Variants in EPS15 observed in about 807,000 individuals in gnomAD.
EPS15 encodes the protein epidermal growth factor receptor substrate 15.
Under a neutral mutation model 113.8 loss-of-function variants are expected in EPS15, and 72 were observed. The ratio of observed to expected loss-of-function variants is 0.63; its 90% CI spans 0.52 to 0.77. The LOEUF (loss-of-function observed/expected upper bound fraction) is 0.77, where lower values mean the gene tolerates loss of function less well. EPS15 is among the 30% of genes least tolerant of loss of function. EPS15 has a pLI of 0.00. For missense variants in EPS15, 1,048 were observed against 1,045.8 expected (o/e 1.00, Z -0.03); for synonymous variants, 344 against 363.4 (o/e 0.95, Z 0.61).
intron 12 of EPS15, among the ~76,000 whole-genome samples, chr1:51,440,093 T>C (rs1311034045): frequency 6.6e-6 from 1 of 152,084 alleles, no homozygotes; most frequent in Non-Finnish European, 1.5e-5. Flanking sequence ...CAGTGACTTT[T>C]CAGTGGTACA....
At chr1:51,424,550 A>G (rs1651041200) in intron 12 of EPS15, among the ~76,000 whole-genome samples, 1 of 152,204 alleles carries the variant, frequency 6.6e-6, no homozygotes, top group Admixed American at 6.5e-5. Context: ...TTTATATGCA[A>G]CTTCTCAAGG....
In EPS15 at chr1:51,394,371, A is replaced by G; in HGVS notation, c.2119+10T>C. ...TAATGTTCAATGAAGTTGATAAATT[A>G]TTTATTTACCTGAATCGCTTGCTGC... On this transcript the variant is annotated intron_variant, in intron 21 of 24. Coordinates refer to ENST00000371733, the MANE Select transcript of EPS15 (RefSeq NM_001981.3). 1.9e-6 allele frequency: 3 copies of G among 1,564,858 alleles called. No homozygotes were observed. The highest frequency in any genetic ancestry group is 2.6e-6 in the Non-Finnish European group (3 of 1,146,770).
intron 12 of EPS15, among the ~76,000 whole-genome samples, chr1:51,426,416 C>A (rs1270695057): frequency 6.8e-6 from 1 of 146,580 alleles, no homozygotes; most frequent in African/African-American, 2.6e-5. Context: ...TTATTTGGAA[C>A]TGATAAAAAG....
chr1:51,518,826 ATGCGTGCG>A (rs1644780978), intron 1 of EPS15, among the ~76,000 whole-genome samples: 1 of 151,648 alleles, frequency 6.6e-6, no homozygotes, highest in Non-Finnish European at 1.5e-5. Flanking sequence ...CTCACCTGGG[ATGCGTGCG>A]GCCCTGTGGG....
intron 12 of EPS15, chr1:51,423,088 C>A (rs1006595614): frequency 1.7e-6 from 1 of 586,300 alleles, no homozygotes; most frequent in Non-Finnish European, 2.4e-6. Context: ...AGACAAAAAT[C>A]AACTGTTTTG....
Position 51,505,937 on chromosome 1 carries a change from A to G in EPS15, c.33+13262T>C, listed in dbSNP as rs544556122. 4.5e-3 allele frequency among the ~76,000 whole-genome samples: 689 copies of G among 152,060 alleles called. 3 individuals are homozygous for G. Among genetic ancestry groups the G allele is most frequent in the Admixed American group, 9.6e-3 (146 of 15,258 alleles). On this transcript the variant is annotated intron_variant, in intron 1 of 24. Transcript: ENST00000371733. ...AGTCTTGCTCTGTCACCCAGGCTGG[A>G]TTACAATGGCGCAATCTTGGCTCAC...
chr1:51,372,737 T>C, intron 21 of EPS15: 1 of 413,278 alleles, frequency 2.4e-6, no homozygotes. Flanking sequence ...ATGTGGCTAA[T>C]GAAACTGGAG....
chr1:51,374,996 CTTTTTT>C (rs761941054), intron 21 of EPS15, among the ~76,000 whole-genome samples: 1 of 108,772 alleles, frequency 9.2e-6, no homozygotes, highest in Non-Finnish European at 1.9e-5. Flanking sequence ...TAATATACTT[CTTTTTT>C]TTTTTTTTTT....
intron 24 of EPS15, among the ~76,000 whole-genome samples, chr1:51,357,572 A>G (rs1646268005): frequency 6.7e-6 from 1 of 148,952 alleles, no homozygotes; most frequent in South Asian, 2.1e-4. Flanking sequence ...CTTCAACTTT[A>G]CTGAGACCCT....
At position 51,461,295 on chromosome 1, in the gene EPS15, T is replaced by A; in HGVS notation, c.502-145A>T. 4.8e-6 allele frequency: 3 copies of A among 627,716 alleles called. No homozygotes were observed. The South Asian group carries it at 5.7e-5, about 12-fold the overall frequency. 38.9% of individuals were successfully genotyped at this position (627,716 alleles called of 1,614,324 possible). On this transcript the variant is annotated intron_variant, in intron 7 of 24. Transcript: ENST00000371733. Reference sequence around the variant, plus strand: ...ACTTTGAGAGGCCAAGGCAGGAGGATCACTTCAGCCCAGGAGTTTGAGACA... The same window carrying A: ...ACTTTGAGAGGCCAAGGCAGGAGGAACACTTCAGCCCAGGAGTTTGAGACA...
intron 1 of EPS15, among the ~76,000 whole-genome samples, chr1:51,515,788 G>C (rs2148572310): frequency 6.6e-6 from 1 of 152,280 alleles, no homozygotes; most frequent in Non-Finnish European, 1.5e-5. Flanking sequence ...ACATAGAGAA[G>C]AACAGTGAAA....
At chr1:51,397,171 C>T (rs571506925) in intron 20 of EPS15, 21 of 152,356 alleles carry the variant, frequency 1.4e-4, no homozygotes, top group African/African-American at 5.1e-4. Flanking sequence ...GGAGCCACCA[C>T]ACCTGGCCTC....
intron 6 of EPS15, 106 bp downstream of exon 6, chr1:51,465,155 A>C (rs759792234): frequency 1.2e-4 from 77 of 637,488 alleles, no homozygotes; most frequent in Non-Finnish European, 1.8e-4. Context: ...ACCTTTCCCT[A>C]AACATGTATG....
At chr1:51,506,854 G>C (rs1644507981) in intron 1 of EPS15, among the ~76,000 whole-genome samples, 1 of 150,136 alleles carries the variant, frequency 6.7e-6, no homozygotes, top group Non-Finnish European at 1.5e-5. Flanking sequence ...AACAAACTAA[G>C]AATGAAAGCA....
chr1:51,357,376 GAAAAAAA>G (rs56655497), intron 24 of EPS15, among the ~76,000 whole-genome samples: 1 of 33,132 alleles, frequency 3.0e-5, no homozygotes, highest in African/African-American at 1.9e-4. Flanking sequence ...GATTCCATCT[GAAAAAAA>G]AAAAAAAAAT....
intron 8 of EPS15, among the ~76,000 whole-genome samples, chr1:51,456,653 T>G (rs1013932582): frequency 6.6e-6 from 1 of 152,290 alleles, no homozygotes; most frequent in African/African-American, 2.4e-5. Context: ...ATTTTTTAAA[T>G]TACTTCAATT....
At chr1:51,402,657 G>T in intron 17 of EPS15, 132 bp from the exon 18 acceptor site, 1 of 499,948 alleles carries the variant, frequency 2.0e-6, no homozygotes, top group Non-Finnish European at 3.6e-6. Flanking sequence ...AGGCACGGTG[G>T]CTCACACCTG....
chr1:51,399,550 A>AAAAC (rs1236194480), intron 19 of EPS15, among the ~76,000 whole-genome samples: 1 of 148,552 alleles, frequency 6.7e-6, no homozygotes, highest in Non-Finnish European at 1.5e-5. Flanking sequence ...CCCTGTCTCA[A>AAAAC]AAACAAACAA....
intron 21 of EPS15, among the ~76,000 whole-genome samples, chr1:51,391,039 C>T (rs1036026380): frequency 7.2e-5 from 11 of 152,134 alleles, no homozygotes; most frequent in Admixed American, 6.5e-5. Flanking sequence ...GCACTATTCA[C>T]AATAGCAAAG....
Sources: allele counts gnomAD v4.1 joint callset (sites outside exome capture counted in the v4.1 genomes callset), GRCh38; gene constraint gnomAD v4.1.1; transcripts MANE v1.5; gene names NCBI Gene and HGNC (gene_info 2026-07-23, HGNC 2026-07-21).